The following CDH12 variants were observed in gnomAD, a reference collection of about 807,000 sequenced individuals.
CDH12 encodes cadherin-12.
Under a neutral mutation model 74.1 loss-of-function variants are expected in CDH12, and 41 were observed. That is an observed-to-expected ratio of 0.55 (90% CI 0.43 to 0.72). The LOEUF (loss-of-function observed/expected upper bound fraction) is 0.72, where lower values mean the gene tolerates loss of function less well. CDH12 is among the 30% of genes least tolerant of loss of function. CDH12 has a pLI of 0.00. For missense variants in CDH12, 945 were observed against 977.2 expected, an observed-to-expected ratio of 0.97 and a Z score of 0.44; for synonymous variants, 399 against 355.0, an observed-to-expected ratio of 1.12 and a Z score of -1.39.
At chr5:22,169,576 T>C (rs1421782618) in intron 4 of CDH12, among the ~76,000 whole-genome samples, 1 of 151,930 alleles carries the variant, frequency 6.6e-6, no homozygotes, top group Non-Finnish European at 1.5e-5. Flanking sequence ...GATAAAATAA[T>C]TTACACCTAG....
chr5:21,839,849 G>A (rs560292001), intron 8 of CDH12, among the ~76,000 whole-genome samples: 7 of 152,190 alleles, frequency 4.6e-5, no homozygotes, highest in African/African-American at 1.4e-4. Context: ...AAGTCCTGGG[G>A]ACACTGAAAT....
intron 9 of CDH12, among the ~76,000 whole-genome samples, chr5:21,814,071 A>G (rs985694443): frequency 6.6e-6 from 1 of 151,838 alleles, no homozygotes; most frequent in Non-Finnish European, 1.5e-5. Flanking sequence ...ATGGACATTG[A>G]GCTTTACTTA....
intron 1 of CDH12, among the ~76,000 whole-genome samples, chr5:22,755,921 T>C (rs754714989): frequency 2.6e-5 from 4 of 151,858 alleles, no homozygotes; most frequent in Non-Finnish European, 5.9e-5. Context: ...GTACAATGTA[T>C]CTACAGGGGA....
intron 1 of CDH12, among the ~76,000 whole-genome samples, chr5:22,695,829 T>C (rs150627793): frequency 1.2e-4 from 18 of 152,278 alleles, no homozygotes; most frequent in Non-Finnish European, 2.2e-4. Context: ...TATATTTTTC[T>C]TACTGTGTGC....
intron 10 of CDH12, among the ~76,000 whole-genome samples, chr5:21,801,235 G>C (rs1441549927): frequency 6.6e-6 from 1 of 152,176 alleles, no homozygotes; most frequent in Non-Finnish European, 1.5e-5. Context: ...TTGTCACATA[G>C]TGTAAAATCT....
chr5:22,764,143 T>A (rs1746377193), intron 1 of CDH12, among the ~76,000 whole-genome samples: 2 of 151,854 alleles, frequency 1.3e-5, no homozygotes, highest in African/African-American at 4.8e-5. Context: ...ATACAAAAAA[T>A]AATATACTCT....
chr5:22,477,494 A>G (rs1008269551), intron 2 of CDH12, among the ~76,000 whole-genome samples: 7 of 152,050 alleles, frequency 4.6e-5, no homozygotes, highest in African/African-American at 1.7e-4. Flanking sequence ...TCATTGATGG[A>G]CACTTAGGTT....
intron 5 of CDH12, among the ~76,000 whole-genome samples, chr5:22,040,476 A>T (rs1486736432): frequency 6.6e-6 from 1 of 152,172 alleles, no homozygotes; most frequent in Admixed American, 6.5e-5. Context: ...TATAGTTTCA[A>T]CCCAAAGAGG....
At chr5:21,957,829 G>A (rs1052790006) in intron 6 of CDH12, among the ~76,000 whole-genome samples, 10 of 151,970 alleles carry the variant, frequency 6.6e-5, no homozygotes, top group Admixed American at 1.3e-4. Flanking sequence ...TTTGTCAGAC[G>A]CATAGTTTGC....
chr5:22,468,820 A>C (rs1310247609), intron 2 of CDH12, among the ~76,000 whole-genome samples: 1 of 152,202 alleles, frequency 6.6e-6, no homozygotes, highest in African/African-American at 2.4e-5. Context: ...ATAGATACAG[A>C]TATACACACT....
At chr5:22,647,010 A>G (rs1263047140) in intron 1 of CDH12, among the ~76,000 whole-genome samples, 1 of 151,910 alleles carries the variant, frequency 6.6e-6, no homozygotes, top group East Asian at 1.9e-4. Context: ...TTAAGCCAAG[A>G]GATGATTCCA....
intron 1 of CDH12, among the ~76,000 whole-genome samples, chr5:22,607,255 AT>A (rs1242007170): frequency 6.6e-6 from 1 of 152,212 alleles, no homozygotes; most frequent in Admixed American, 6.5e-5. Context: ...CACCAAAACA[AT>A]GAGGAATATG....
chr5:22,076,478 T>G lies in CDH12; in HGVS notation c.231+1968A>C, dbSNP rs529559124. ...ATCTTCTCTAATCAAAAACAGAGAATTTGTCAGGAACCTCAATATGATGTC... is the reference window on the plus strand; with the variant it reads ...ATCTTCTCTAATCAAAAACAGAGAAGTTGTCAGGAACCTCAATATGATGTC... On this transcript the variant is annotated intron_variant, in intron 5 of 14. Transcript: ENST00000382254. Among the ~76,000 whole-genome samples the G allele has an allele frequency of 3.3e-5, 5 of 152,206 alleles. No individual in the cohort carries two copies. The East Asian group carries it at 7.7e-4, about 24-fold the overall frequency.
intron 3 of CDH12, among the ~76,000 whole-genome samples, chr5:22,322,978 G>A (rs1033886353): frequency 5.3e-5 from 8 of 152,146 alleles, no homozygotes; most frequent in African/African-American, 1.9e-4. Flanking sequence ...CAACCAATCT[G>A]TATATTTGGC....
At chr5:22,757,099 G>T (rs1244780130) in intron 1 of CDH12, among the ~76,000 whole-genome samples, 1 of 152,188 alleles carries the variant, frequency 6.6e-6, no homozygotes, top group Non-Finnish European at 1.5e-5. Flanking sequence ...TCAGGATCCT[G>T]TTTATAAAGC....
intron 3 of CDH12, among the ~76,000 whole-genome samples, chr5:22,379,114 T>C (rs1741654772): frequency 6.6e-6 from 1 of 152,178 alleles, no homozygotes; most frequent in South Asian, 2.1e-4. Flanking sequence ...TATGGAGAGT[T>C]GCAGAATTGT....
chr5:22,730,789 T>A (rs1398821798), intron 1 of CDH12, among the ~76,000 whole-genome samples: 1 of 151,818 alleles, frequency 6.6e-6, no homozygotes, highest in African/African-American at 2.4e-5. Context: ...ATTTAAAAGT[T>A]CTTTTTCCTA....
At chr5:22,786,472 T>G (rs1490628512) in intron 1 of CDH12, among the ~76,000 whole-genome samples, 1 of 152,172 alleles carries the variant, frequency 6.6e-6, no homozygotes, top group Non-Finnish European at 1.5e-5. Context: ...CTCTTTTCCT[T>G]CCTGAAGTCT....
At chr5:22,135,098 G>A (rs1344467657) in intron 4 of CDH12, among the ~76,000 whole-genome samples, 4 of 151,512 alleles carry the variant, frequency 2.6e-5, no homozygotes, top group Non-Finnish European at 2.9e-5. Context: ...GTCTTTAACT[G>A]AGCTTTTATT....
Sources: allele counts gnomAD v4.1 joint callset (sites outside exome capture counted in the v4.1 genomes callset), GRCh38; gene constraint gnomAD v4.1.1; transcripts MANE v1.5; gene names NCBI Gene and HGNC (gene_info 2026-07-23, HGNC 2026-07-21).